Variants in QTGAL observed in about 807,000 individuals in gnomAD.
QTGAL encodes the protein queuosine-tRNA galactosyltransferase.
At chr17:83,026,344 T>C in the QTGAL span, among the ~76,000 whole-genome samples, 1 of 152,300 alleles carries the variant, frequency 6.6e-6, no homozygotes, top group Non-Finnish European at 1.5e-5. Flanking sequence ...AGCAGCACCA[T>C]TCCTCAAAGC....
the QTGAL span, among the ~76,000 whole-genome samples, chr17:83,039,715 C>A: frequency 6.6e-6 from 1 of 152,328 alleles, no homozygotes; most frequent in South Asian, 2.1e-4. Context: ...ACTACCACGA[C>A]CTGTTCACAA....
chr17:83,039,931 C>T, the QTGAL span, among the ~76,000 whole-genome samples: 2 of 152,322 alleles, frequency 1.3e-5, no homozygotes, highest in East Asian at 3.9e-4. Context: ...CAGGACCCAA[C>T]AGAGGACTTA....
At chr17:83,028,024 T>C in the QTGAL span, among the ~76,000 whole-genome samples, 5 of 150,634 alleles carry the variant, frequency 3.3e-5, no homozygotes, top group Non-Finnish European at 7.4e-5. Context: ...TGAGGCAGGA[T>C]TGCTTGAACC....
chr17:83,014,807 G>A, the QTGAL span, among the ~76,000 whole-genome samples: 1 of 152,254 alleles, frequency 6.6e-6, no homozygotes, highest in Admixed American at 6.5e-5. Flanking sequence ...ACAGGCAAGG[G>A]CCTTGAACAG....
chr17:82,968,048 G>A, the QTGAL span, among the ~76,000 whole-genome samples: 4 of 152,222 alleles, frequency 2.6e-5, no homozygotes, highest in Non-Finnish European at 5.9e-5. Context: ...AGAGCAGGCA[G>A]GCTCTTAGAG....
the QTGAL span, among the ~76,000 whole-genome samples, chr17:83,020,382 C>G: frequency 6.6e-6 from 1 of 152,202 alleles, no homozygotes; most frequent in Non-Finnish European, 1.5e-5. Context: ...ACCCAGGAGC[C>G]GAGTCCACTT....
chr17:82,942,442 T>C, the QTGAL span: 5 of 1,613,928 alleles, frequency 3.1e-6, no homozygotes, highest in Middle Eastern at 1.6e-4. Flanking sequence ...TCTTGTCTCT[T>C]CTTCAGCCTG....
At chr17:82,980,907 T>C in the QTGAL span, among the ~76,000 whole-genome samples, 2 of 152,138 alleles carry the variant, frequency 1.3e-5, no homozygotes, top group Non-Finnish European at 1.5e-5. Context: ...TCTGAGCACA[T>C]GGCTGGTTCC....
At chr17:83,051,700 GC>G in the QTGAL span, 1 of 1,458,914 alleles carries the variant, frequency 6.9e-7, no homozygotes, top group South Asian at 1.3e-5. Flanking sequence ...CGAGGACCCA[GC>G]CTGCACGGCG....
At chr17:83,034,044 G>T in the QTGAL span, among the ~76,000 whole-genome samples, 1 of 151,194 alleles carries the variant, frequency 6.6e-6, no homozygotes, top group Non-Finnish European at 1.5e-5. Flanking sequence ...GGGTTCAAGC[G>T]ATTCTCCTGC....
chr17:83,040,723 A>G, the QTGAL span, among the ~76,000 whole-genome samples: 3 of 152,352 alleles, frequency 2.0e-5, no homozygotes, highest in East Asian at 5.8e-4. Flanking sequence ...TCAACTGAGC[A>G]TAAAAATATT....
the QTGAL span, among the ~76,000 whole-genome samples, chr17:83,017,925 A>G: frequency 6.6e-6 from 1 of 150,784 alleles, no homozygotes; most frequent in African/African-American, 2.5e-5. Context: ...CTCCACAAAC[A>G]CGGTGCGCCT....
chr17:82,999,690 T>G, the QTGAL span, among the ~76,000 whole-genome samples: 1 of 152,254 alleles, frequency 6.6e-6, no homozygotes, highest in Admixed American at 6.5e-5. Flanking sequence ...ACTGTATTTA[T>G]TGATACCCTA....
At chr17:82,960,428 G>A in the QTGAL span, 2 of 152,260 alleles carry the variant, frequency 1.3e-5, no homozygotes, top group Admixed American at 6.5e-5. Flanking sequence ...CACGCGGCAG[G>A]CAGGTGGCCG....
chr17:83,040,201 C>CTCAGGCACTGGTT, the QTGAL span, among the ~76,000 whole-genome samples: 2 of 152,192 alleles, frequency 1.3e-5, no homozygotes, highest in East Asian at 3.8e-4. Context: ...TAGGGTGAGA[C>CTCAGGCACTGGTT]TCAGGCACTG....
chr17:83,015,010 C>T, the QTGAL span, among the ~76,000 whole-genome samples: 1 of 151,348 alleles, frequency 6.6e-6, no homozygotes, highest in South Asian at 2.1e-4. This position sits in a 1 kb window ranked among gnomAD's most constrained non-coding sequence, Gnocchi z 4.4. Flanking sequence ...GGGGGACCGT[C>T]TGCAGTGAAG....
At chr17:82,946,569 A>AGTGTGTGTGCGTGTGTGTGTGT in the QTGAL span, among the ~76,000 whole-genome samples, 4 of 150,308 alleles carry the variant, frequency 2.7e-5, no homozygotes, top group South Asian at 8.7e-4. Flanking sequence ...ACAGAACCCA[A>AGTGTGTGTGCGTGTGTGTGTGT]GTGTGTGTGT....
At chr17:83,039,929 A>T in the QTGAL span, among the ~76,000 whole-genome samples, 1 of 152,180 alleles carries the variant, frequency 6.6e-6, no homozygotes, top group Non-Finnish European at 1.5e-5. Context: ...AACAGGACCC[A>T]ACAGAGGACT....
the QTGAL span, among the ~76,000 whole-genome samples, chr17:83,023,856 C>G: frequency 2.6e-5 from 4 of 152,358 alleles, no homozygotes; most frequent in South Asian, 8.3e-4. Flanking sequence ...CTGTAACACT[C>G]ACTAGCAGTG....
Sources: allele counts gnomAD v4.1 joint callset (sites outside exome capture counted in the v4.1 genomes callset), GRCh38; gene constraint gnomAD v4.1.1; non-coding constraint Gnocchi (gnomAD v3.1); transcripts MANE v1.5; gene names NCBI Gene and HGNC (gene_info 2026-07-23, HGNC 2026-07-21).